Variants in ZNF385D observed in about 807,000 individuals in gnomAD.
ZNF385D encodes zinc finger protein 659.
Under a neutral mutation model 35.8 loss-of-function variants are expected in ZNF385D, and 15 were observed. The ratio of observed to expected loss-of-function variants is 0.42; its 90% CI spans 0.28 to 0.64. The LOEUF (loss-of-function observed/expected upper bound fraction) is 0.64. Among genes scored for constraint, ZNF385D ranks in the 30% least tolerant of loss-of-function variants. The pLI is 0.23. For synonymous variants in ZNF385D, 212 were observed against 186.8 expected (o/e 1.13, Z -1.10); for missense variants, 474 against 494.6 (o/e 0.96, Z 0.39).
chr3:22,105,574 C>T (rs1283239103), intron 3 of ZNF385D, among the ~76,000 whole-genome samples: 1 of 152,080 alleles, frequency 6.6e-6, no homozygotes, highest in African/African-American at 2.4e-5. Flanking sequence ...GACCTGAAAG[C>T]CAGAGAGCTG....
intron 3 of ZNF385D, among the ~76,000 whole-genome samples, chr3:21,927,965 T>C (rs554950437): frequency 6.6e-6 from 1 of 152,220 alleles, no homozygotes; most frequent in South Asian, 2.1e-4. Flanking sequence ...GGCTTGTGCC[T>C]GAAATCCCAA....
At chr3:22,131,732 T>C (rs1256311224) in intron 3 of ZNF385D, among the ~76,000 whole-genome samples, 1 of 152,164 alleles carries the variant, frequency 6.6e-6, no homozygotes, top group Admixed American at 6.6e-5. Context: ...GAGGGAGTTT[T>C]TGAAAGTTCA....
intron 2 of ZNF385D, among the ~76,000 whole-genome samples, chr3:21,656,697 G>T (rs578163110): frequency 4.6e-5 from 7 of 152,014 alleles, no homozygotes; most frequent in African/African-American, 1.7e-4. Context: ...TCCATGAGAA[G>T]TAGATGTCAG....
At chr3:21,649,114 T>A (rs980046848) in intron 2 of ZNF385D, among the ~76,000 whole-genome samples, 1 of 152,168 alleles carries the variant, frequency 6.6e-6, no homozygotes, top group Non-Finnish European at 1.5e-5. Context: ...TACCTGTGGC[T>A]TTTTTAGGAG....
At chr3:22,113,111 C>T (rs1702624540) in intron 3 of ZNF385D, among the ~76,000 whole-genome samples, 1 of 152,046 alleles carries the variant, frequency 6.6e-6, no homozygotes, top group Non-Finnish European at 1.5e-5. Flanking sequence ...CTGTAAGAAG[C>T]TGCTTGGTGC....
At chr3:22,113,067 A>C (rs1385167258) in intron 3 of ZNF385D, among the ~76,000 whole-genome samples, 1 of 152,214 alleles carries the variant, frequency 6.6e-6, no homozygotes, top group East Asian at 1.9e-4. Context: ...ACCCAAAGTG[A>C]CAAATCATTT....
intron 3 of ZNF385D, among the ~76,000 whole-genome samples, chr3:21,910,700 A>G (rs1276473458): frequency 6.6e-6 from 1 of 151,686 alleles, no homozygotes; most frequent in Non-Finnish European, 1.5e-5. Context: ...GAAAAGTAAA[A>G]AGTAACATGC....
chr3:22,362,601 C>A (rs193267571), intron 2 of ZNF385D, among the ~76,000 whole-genome samples: 7 of 152,058 alleles, frequency 4.6e-5, no homozygotes. Context: ...GGTTTGAGTA[C>A]TTCTTATCGT....
Position 22,285,539 on chromosome 3 carries a change from T to C in ZNF385D, c.106+86911A>G, listed in dbSNP as rs148935825. Among the ~76,000 whole-genome samples, 503 of 152,208 alleles carry C rather than the reference T, an allele frequency of 3.3e-3. 6 individuals carry two copies. The highest frequency in any genetic ancestry group is 0.012 in the African/African-American group (481 of 41,532). The stretch of plus-strand genomic sequence containing the variant: ...TGCACTTATTCAATAACTTTATTTA[T>C]TTTTTATTATACTTTAAGTTTTAGG... On this transcript the variant is annotated intron_variant, in intron 2 of 5. Coordinates refer to the ZNF385D transcript ENST00000494108.
At chr3:22,198,560 C>T (rs1349113368) in intron 2 of ZNF385D, among the ~76,000 whole-genome samples, 1 of 152,006 alleles carries the variant, frequency 6.6e-6, no homozygotes, top group Non-Finnish European at 1.5e-5. Context: ...AAAGCAAGAA[C>T]ATTTTGAAAA....
intron 3 of ZNF385D, among the ~76,000 whole-genome samples, chr3:21,915,204 C>A (rs1012680378): frequency 6.6e-6 from 1 of 151,862 alleles, no homozygotes; most frequent in Non-Finnish European, 1.5e-5. Flanking sequence ...GGATTAGATA[C>A]ATATTTTTAG....
intron 3 of ZNF385D, among the ~76,000 whole-genome samples, chr3:21,562,345 G>A (rs1446479118): frequency 1.3e-5 from 2 of 152,096 alleles, no homozygotes; most frequent in East Asian, 3.9e-4. Flanking sequence ...TATTTCTAAA[G>A]TGTCCAATCA....
intron 3 of ZNF385D, among the ~76,000 whole-genome samples, chr3:22,084,165 T>C (rs1055948362): frequency 5.3e-5 from 8 of 151,996 alleles, no homozygotes; most frequent in African/African-American, 1.7e-4. Context: ...TAGGAAGAAA[T>C]TGCATCAACT....
chr3:21,642,006 CA>C (rs2065621239), intron 2 of ZNF385D, among the ~76,000 whole-genome samples: 1 of 152,068 alleles, frequency 6.6e-6, no homozygotes, highest in Non-Finnish European at 1.5e-5. Context: ...TCTTTGTCAC[CA>C]CGTGTACAGT....
At chr3:21,560,408 C>T (rs1178609614) in intron 3 of ZNF385D, among the ~76,000 whole-genome samples, 1 of 152,040 alleles carries the variant, frequency 6.6e-6, no homozygotes, top group Non-Finnish European at 1.5e-5. Flanking sequence ...TCTAATAGGC[C>T]CCTCTGCTGC....
intron 3 of ZNF385D, among the ~76,000 whole-genome samples, chr3:22,165,347 T>A (rs752767800): frequency 6.6e-6 from 1 of 152,174 alleles, no homozygotes; most frequent in African/African-American, 2.4e-5. Flanking sequence ...AGCTGAGTAG[T>A]TTGGTCTTTG....
intron 2 of ZNF385D, among the ~76,000 whole-genome samples, chr3:21,585,651 G>C (rs2063787785): frequency 6.6e-6 from 1 of 152,136 alleles, no homozygotes; most frequent in Non-Finnish European, 1.5e-5. Flanking sequence ...ACAAATCGTG[G>C]ATCAAGTGTC....
intron 2 of ZNF385D, among the ~76,000 whole-genome samples, chr3:22,226,006 T>A (rs1352613549): frequency 2.0e-5 from 3 of 152,112 alleles, no homozygotes; most frequent in Non-Finnish European, 4.4e-5. Flanking sequence ...TCCCATTGAA[T>A]TGAAAACCCC....
chr3:22,338,369 G>A (rs985332134), intron 2 of ZNF385D, among the ~76,000 whole-genome samples: 4 of 152,104 alleles, frequency 2.6e-5, no homozygotes, highest in African/African-American at 7.2e-5. Context: ...ATAAGAGAGA[G>A]AAAATATGTT....
Sources: gnomAD v4.1 joint callset for allele counts (sites outside exome capture counted in the v4.1 genomes callset) on GRCh38, gnomAD v4.1.1 for gene constraint, MANE v1.5 for transcripts, NCBI Gene and HGNC (gene_info 2026-07-23, HGNC 2026-07-21) for gene names.